Variants in CSGALNACT2 observed in about 807,000 individuals in gnomAD.
CSGALNACT2 encodes the protein beta 4 GalNAcT-2.
In CSGALNACT2, 35 loss-of-function variants were observed where a neutral mutation model predicts 55.3. That is an observed-to-expected ratio of 0.63 (90% CI 0.48 to 0.84). The LOEUF (loss-of-function observed/expected upper bound fraction) is 0.84. Ranked by LOEUF, CSGALNACT2 falls within the 40% of genes least tolerant of loss-of-function variation. CSGALNACT2 has a pLI of 0.00. For missense variants in CSGALNACT2, 544 were observed against 657.5 expected, an observed-to-expected ratio of 0.83 and a Z score of 1.89; for synonymous variants, 196 against 224.9, an observed-to-expected ratio of 0.87 and a Z score of 1.15.
chr10:43,152,613 C>T (rs1838899819), intron 1 of CSGALNACT2, among the ~76,000 whole-genome samples: 1 of 152,070 alleles, frequency 6.6e-6, no homozygotes, highest in Non-Finnish European at 1.5e-5. Context: ...TCAGTAGTGA[C>T]CTATTGTCTG....
chr10:43,181,488 C>A (rs976343938), intron 7 of CSGALNACT2, among the ~76,000 whole-genome samples: 5 of 152,158 alleles, frequency 3.3e-5, no homozygotes, highest in Non-Finnish European at 7.3e-5. Flanking sequence ...ATTCTAAGAG[C>A]TTATATCTAC....
rs781085636 is a variant in CSGALNACT2 at position 43,158,867 on chromosome 10, A to T, written c.814A>T (p.Ile272Phe). 40 of 1,612,916 alleles carry T rather than the reference A, an allele frequency of 2.5e-5. No homozygotes were observed. The highest frequency in any genetic ancestry group is 3.2e-5 in the Non-Finnish European group (38 of 1,179,050). The change falls in exon 3 of 8, where the codon ATT becomes TTT. Residue 272 changes from isoleucine to phenylalanine, a missense_variant. Ile to Phe is a conservative substitution (Grantham distance 21). Transcript: ENST00000374466. Reference sequence around the variant, plus strand: ...GATGATTGACATCACTAGATCAATTATTAATATCATTGTGCCACTTGCTGA... The same window carrying T: ...GATGATTGACATCACTAGATCAATTTTTAATATCATTGTGCCACTTGCTGA... The part of the protein sequence containing the change: ...SEMIDITRSI[I>F]NIIVPLAERT...
intron 4 of CSGALNACT2, among the ~76,000 whole-genome samples, chr10:43,161,992 C>T (rs1839159330): frequency 6.6e-6 from 1 of 152,146 alleles, no homozygotes; most frequent in Admixed American, 6.5e-5. Flanking sequence ...TGTAAACCTA[C>T]CTTGAGCTTG....
At chr10:43,163,689 A>G in intron 4 of CSGALNACT2, 177 bp from the exon 5 acceptor site, 2 of 985,412 alleles carry the variant, frequency 2.0e-6, no homozygotes, top group Non-Finnish European at 2.4e-6. Context: ...TTTGGTGAAT[A>G]TCTCTCCCTG....
chr10:43,143,987 C>A (rs1838688527), intron 1 of CSGALNACT2, among the ~76,000 whole-genome samples: 1 of 152,166 alleles, frequency 6.6e-6, no homozygotes, highest in African/African-American at 2.4e-5. Context: ...ACATTCTGAT[C>A]TCCTCCTTCC....
chr10:43,162,989 T>A, intron 4 of CSGALNACT2: 1 of 985,330 alleles, frequency 1.0e-6, no homozygotes, highest in South Asian at 4.7e-5. Flanking sequence ...ATTGTTCCCA[T>A]TTTAAGATTC....
intron 4 of CSGALNACT2, chr10:43,163,431 G>T: frequency 1.2e-6 from 1 of 804,790 alleles, no homozygotes; most frequent in South Asian, 5.7e-5. Flanking sequence ...GGTGGCAGCT[G>T]CTTCTCAAGT....
At position 43,158,832 on chromosome 10, in the gene CSGALNACT2, T is replaced by C; in HGVS notation, c.779T>C (p.Val260Ala). Reference protein sequence around the residue: ...LFRPFGPLMKVKSEMIDITRS... With the variant: ...LFRPFGPLMKAKSEMIDITRS... ...CGCCCTTTTGGACCTCTCATGAAAG[T>C]GAAGAGTGAGATGATTGACATCACT... Residue 260 changes from valine to alanine, a missense_variant, in exon 3 of 8, where the codon GTG (valine) becomes GCG (alanine). Physicochemically the swap from Val to Ala is moderately conservative, Grantham distance 64 (BLOSUM62 0). This residue lies in a region of CSGALNACT2 where 374 missense variants were observed against 401.3 expected (regional missense o/e 0.93). Transcript: ENST00000374466. 3.1e-6 allele frequency: 5 copies of C among 1,610,652 alleles called. No individual in the cohort carries two copies. The highest frequency in any genetic ancestry group is 4.2e-6 in the Non-Finnish European group (5 of 1,176,988).
chr10:43,179,597 C>G (rs1187529612), intron 7 of CSGALNACT2, among the ~76,000 whole-genome samples: 1 of 152,184 alleles, frequency 6.6e-6, no homozygotes, highest in African/African-American at 2.4e-5. Context: ...TATTAGACTC[C>G]ACTGACTGTT....
intron 1 of CSGALNACT2, among the ~76,000 whole-genome samples, chr10:43,142,318 T>C (rs552891016): frequency 3.0e-4 from 46 of 152,180 alleles, no homozygotes; most frequent in African/African-American, 1.0e-3. Flanking sequence ...TTCAAGTGAT[T>C]CTCCTGCCTC....
intron 1 of CSGALNACT2, among the ~76,000 whole-genome samples, chr10:43,146,547 C>T (rs1341630879): frequency 1.3e-5 from 2 of 152,132 alleles, no homozygotes; most frequent in African/African-American, 4.8e-5. Context: ...TTGTATCCTT[C>T]AGTTCAGTCA....
rs112219448 is a variant in CSGALNACT2 at position 43,155,094 on chromosome 10, T to C, written c.-56T>C. The C allele has an allele frequency of 2.4e-3, 3,232 of 1,321,172 alleles. 64 individuals are homozygous for C. The African/African-American group carries it at 0.042, about 17-fold the overall frequency. The allele number at this position is 1,321,172 out of a possible 1,614,324, so 81.8% of individuals were successfully genotyped here. On this transcript the variant is annotated 5_prime_UTR_variant, in exon 2 of 8. Transcript: ENST00000374466. ...TTTTTAATTTTTGATAACTTTTTAC[T>C]AAAGGTATGAACACACAAAGAGCTT...
At chr10:43,167,151 G>A (rs1157270611) in intron 6 of CSGALNACT2, 53 bp downstream of exon 6, 9 of 1,151,004 alleles carry the variant, frequency 7.8e-6, no homozygotes, top group African/African-American at 6.1e-5. Flanking sequence ...TTTTCTAGAT[G>A]TTTGTTGTGT....
intron 1 of CSGALNACT2, among the ~76,000 whole-genome samples, chr10:43,149,060 G>GTT (rs918614463): frequency 1.3e-5 from 2 of 152,104 alleles, no homozygotes; most frequent in Non-Finnish European, 2.9e-5. Context: ...GTGTCTTCTA[G>GTT]TTTATTGAAT....
intron 6 of CSGALNACT2, among the ~76,000 whole-genome samples, chr10:43,168,613 C>T (rs992423676): frequency 2.6e-5 from 4 of 151,692 alleles, no homozygotes; most frequent in Admixed American, 6.6e-5. Context: ...ATATGATGTA[C>T]TTAACATATT....
chr10:43,178,897 C>T (rs1011338503), intron 7 of CSGALNACT2, among the ~76,000 whole-genome samples: 1 of 151,992 alleles, frequency 6.6e-6, no homozygotes, highest in Non-Finnish European at 1.5e-5. Flanking sequence ...TTCTTAGGCT[C>T]TGTTTATTTC....
intron 1 of CSGALNACT2, among the ~76,000 whole-genome samples, chr10:43,147,577 T>G (rs1729269170): frequency 6.6e-6 from 1 of 152,178 alleles, no homozygotes; most frequent in South Asian, 2.1e-4. Context: ...TTTTATCCTA[T>G]GCTTGCTTTT....
In CSGALNACT2 at chr10:43,155,754, A is replaced by G; in HGVS notation, c.605A>G (p.Asp202Gly). ...NNPDEDDEQE[D>G]EEGPLGEKLI... ...CCTGATGAAGATGATGAACAAGAAGATGAGGAGGGTCCCCTTGGAGAGAAA... is the reference window on the plus strand; with the variant it reads ...CCTGATGAAGATGATGAACAAGAAGGTGAGGAGGGTCCCCTTGGAGAGAAA... Residue 202 changes from aspartate (D) to glycine (G), a missense_variant, in exon 2 of 8, where the codon GAT becomes GGT. Asp to Gly is a moderately conservative substitution (Grantham distance 94). Coordinates refer to ENST00000374466, the MANE Select transcript of CSGALNACT2 (RefSeq NM_018590.5). 7 of 1,614,058 alleles carry G rather than the reference A, an allele frequency of 4.3e-6. No homozygotes were observed. The highest frequency in any genetic ancestry group is 5.1e-6 in the Non-Finnish European group (6 of 1,179,952).
At position 43,174,072 on chromosome 10, in the gene CSGALNACT2, G is replaced by A. The variant is rs533742017; in HGVS notation, c.1255-1879G>A. On this transcript the variant is annotated intron_variant, in intron 6 of 7. Transcript: ENST00000374466. ...CTCTATATATTTATTTATTCAACAC[G>A]TATTTATTGAAAGCTTGTCATGTGC... is the stretch of plus-strand genomic sequence containing the variant. Among the ~76,000 whole-genome samples, 7 of 151,968 alleles carry A rather than the reference G, an allele frequency of 4.6e-5. No homozygotes were observed. In the South Asian group the frequency reaches 1.0e-3, roughly 23 times the overall value.
Sources: gnomAD v4.1 joint callset for allele counts (sites outside exome capture counted in the v4.1 genomes callset) on GRCh38, gnomAD v4.1.1 for gene constraint, gnomAD v4.1.1 regional missense constraint, MANE v1.5 for transcripts, NCBI Gene and HGNC (gene_info 2026-07-23, HGNC 2026-07-21) for gene names.